DCC: variants seen among roughly 807,000 people sequenced by gnomAD.
The protein encoded by DCC is DCC netrin 1 receptor.
In DCC, 58 loss-of-function variants were observed where a neutral mutation model predicts 172.5. That is an observed-to-expected ratio of 0.34 (90% CI 0.27 to 0.42). The LOEUF (loss-of-function observed/expected upper bound fraction) is 0.42, where lower values mean the gene tolerates loss of function less well. Among genes scored for constraint, DCC ranks in the 10% least tolerant of loss-of-function variants. The pLI is 1.00. For synonymous variants in DCC, 709 were observed against 644.5 expected, an observed-to-expected ratio of 1.10 and a Z score of -1.52; for missense variants, 1,740 against 1,791.0, an observed-to-expected ratio of 0.97 and a Z score of 0.51.
At chr18:53,147,563 G>C (rs539842812) in intron 7 of DCC, among the ~76,000 whole-genome samples, 8 of 151,952 alleles carry the variant, frequency 5.3e-5, no homozygotes, top group Admixed American at 2.6e-4. Context: ...TTTAGGGATG[G>C]GTAGCAAGGG....
chr18:52,387,948 C>T (rs1483118084), intron 1 of DCC, among the ~76,000 whole-genome samples: 1 of 152,062 alleles, frequency 6.6e-6, no homozygotes, highest in East Asian at 1.9e-4. Context: ...TCATGCTCCA[C>T]TGCCCAGAGT....
chr18:53,076,081 T>C (rs1329159834), intron 7 of DCC, among the ~76,000 whole-genome samples: 1 of 152,162 alleles, frequency 6.6e-6, no homozygotes, highest in Non-Finnish European at 1.5e-5. Flanking sequence ...TTTCCTTCTT[T>C]CCCAACTCCT....
chr18:52,775,365 G>C (rs371776339), intron 2 of DCC, among the ~76,000 whole-genome samples: 5 of 152,242 alleles, frequency 3.3e-5, no homozygotes, highest in African/African-American at 1.2e-4. Flanking sequence ...GCTGTCTACC[G>C]GAGGCTTGTG....
chr18:52,787,729 T>C (rs116230560), intron 2 of DCC, among the ~76,000 whole-genome samples: 6 of 152,244 alleles, frequency 3.9e-5, no homozygotes, highest in African/African-American at 1.4e-4. Context: ...GGGATGCCTG[T>C]TAAATGTTAG....
At chr18:53,439,852 C>T (rs1376994245) in intron 22 of DCC, among the ~76,000 whole-genome samples, 4 of 147,338 alleles carry the variant, frequency 2.7e-5, no homozygotes, top group African/African-American at 9.9e-5. Context: ...GCAAGCTCCG[C>T]CTCCCGGGTT....
At chr18:52,417,710 C>A (rs937939057) in intron 1 of DCC, among the ~76,000 whole-genome samples, 1 of 152,154 alleles carries the variant, frequency 6.6e-6, no homozygotes, top group African/African-American at 2.4e-5. Context: ...CGAGCCTTGG[C>A]TTTCAGCTCC....
chr18:53,011,557 TA>T (rs2041731254), intron 5 of DCC, among the ~76,000 whole-genome samples: 1 of 151,826 alleles, frequency 6.6e-6, no homozygotes. Context: ...TTTTTATTGA[TA>T]ATAAAATAAA....
intron 1 of DCC, among the ~76,000 whole-genome samples, chr18:52,564,669 G>T (rs757557523): frequency 3.4e-5 from 2 of 58,972 alleles, no homozygotes; most frequent in Admixed American, 2.0e-4. Context: ...TATAATATTG[G>T]GGGGGGGGGT....
chr18:52,646,988 C>T (rs1292209237), intron 1 of DCC, among the ~76,000 whole-genome samples: 1 of 152,082 alleles, frequency 6.6e-6, no homozygotes. Flanking sequence ...TGGAAAGGGG[C>T]TTATAATGAA....
chr18:53,328,598 G>A (rs2057494990), intron 14 of DCC, among the ~76,000 whole-genome samples: 1 of 150,590 alleles, frequency 6.6e-6, no homozygotes. Flanking sequence ...GCAATGGTGT[G>A]ATCTCGGCTC....
chr18:52,628,713 G>A (rs1432413092), intron 1 of DCC, among the ~76,000 whole-genome samples: 1 of 152,208 alleles, frequency 6.6e-6, no homozygotes, highest in Non-Finnish European at 1.5e-5. Context: ...AGTTTTGCAG[G>A]TAGCAGCATG....
intron 27 of DCC, among the ~76,000 whole-genome samples, chr18:53,503,850 T>C (rs936083598): frequency 1.3e-5 from 2 of 151,936 alleles, no homozygotes; most frequent in Non-Finnish European, 2.9e-5. Flanking sequence ...TTTTCCTTCA[T>C]TTACACATTG....
intron 7 of DCC, among the ~76,000 whole-genome samples, chr18:53,095,465 A>C (rs1161440942): frequency 6.6e-6 from 1 of 152,220 alleles, no homozygotes; most frequent in Non-Finnish European, 1.5e-5. Context: ...CATATTACCA[A>C]TAATTTAGTA....
chr18:53,285,110 GA>G (rs200456394), intron 12 of DCC, among the ~76,000 whole-genome samples: 3 of 151,120 alleles, frequency 2.0e-5, no homozygotes, highest in African/African-American at 7.3e-5. Flanking sequence ...CAATTTGATG[GA>G]AAAAAAAATC....
chr18:53,465,884 C>A (rs913277830), intron 24 of DCC, among the ~76,000 whole-genome samples: 1 of 152,204 alleles, frequency 6.6e-6, no homozygotes, highest in Admixed American at 6.5e-5. Context: ...CTTGCCTCAG[C>A]CTCCCAAGTA....
intron 2 of DCC, among the ~76,000 whole-genome samples, chr18:52,863,532 G>A (rs2039176346): frequency 6.6e-6 from 1 of 151,616 alleles, no homozygotes; most frequent in African/African-American, 2.4e-5. Context: ...CTCATATTTA[G>A]TAATTAATGT....
intron 1 of DCC, among the ~76,000 whole-genome samples, chr18:52,512,311 T>C (rs1020499837): frequency 3.9e-5 from 6 of 152,196 alleles, no homozygotes; most frequent in African/African-American, 1.4e-4. Flanking sequence ...AAGGGAATTA[T>C]TTAATCTTGG....
At chr18:53,429,303 G>A (rs200117120) in intron 21 of DCC, among the ~76,000 whole-genome samples, 4 of 150,920 alleles carry the variant, frequency 2.7e-5, no homozygotes, top group Non-Finnish European at 5.9e-5. Flanking sequence ...AGACAGTCAA[G>A]ACCCATTATC....
chr18:53,227,649 T>C (rs1356852684), intron 12 of DCC, among the ~76,000 whole-genome samples: 1 of 152,214 alleles, frequency 6.6e-6, no homozygotes, highest in Non-Finnish European at 1.5e-5. Context: ...CAATTCTGTA[T>C]CTTCAGAAAA....
Sources: allele counts gnomAD v4.1 joint callset (sites outside exome capture counted in the v4.1 genomes callset), GRCh38; gene constraint gnomAD v4.1.1; transcripts MANE v1.5; gene names NCBI Gene and HGNC (gene_info 2026-07-23, HGNC 2026-07-21).